Variants in CDK5RAP2 observed in about 807,000 individuals in gnomAD.
CDK5RAP2 encodes the protein CDK5 regulatory subunit-associated protein 2.
A neutral mutation model predicts 232.9 loss-of-function variants in CDK5RAP2; 147 were observed. The observed-to-expected ratio is 0.63, with a 90% CI of 0.55 to 0.72. The LOEUF is 0.72. CDK5RAP2 is among the 30% of genes least tolerant of loss of function. The probability of loss-of-function intolerance (pLI) is 0.00; values close to 1 mark genes in which losing one functional copy is unlikely to be tolerated. For missense variants in CDK5RAP2, 2,195 were observed against 2,231.5 expected (o/e 0.98, Z 0.33); for synonymous variants, 833 against 833.7 (o/e 1.00, Z 0.01).
intron 18 of CDK5RAP2, among the ~76,000 whole-genome samples, chr9:120,463,348 G>A (rs1337435562): frequency 2.0e-5 from 3 of 152,182 alleles, no homozygotes; most frequent in Admixed American, 2.0e-4. Context: ...TCCAGCCTGG[G>A]TGACAGAGGG....
intron 25 of CDK5RAP2, among the ~76,000 whole-genome samples, chr9:120,424,301 T>C (rs2034747284): frequency 6.6e-6 from 1 of 152,216 alleles, no homozygotes; most frequent in Non-Finnish European, 1.5e-5. Flanking sequence ...TGGCCAAAAA[T>C]GGCATGGTAT....
chr9:120,472,492 T>A (rs1017161262), intron 15 of CDK5RAP2, among the ~76,000 whole-genome samples: 6 of 151,814 alleles, frequency 4.0e-5, no homozygotes, highest in African/African-American at 1.5e-4. Flanking sequence ...GTGTTACTCC[T>A]CAAAAAAGTC....
chr9:120,560,734 AG>A (rs1365477528), intron 3 of CDK5RAP2, among the ~76,000 whole-genome samples: 1 of 152,002 alleles, frequency 6.6e-6, no homozygotes, highest in Non-Finnish European at 1.5e-5. Context: ...CTCCTGCCTT[AG>A]CCTCCCAAGT....
chr9:120,543,926 C>T (rs2041739413), intron 5 of CDK5RAP2, among the ~76,000 whole-genome samples: 1 of 152,162 alleles, frequency 6.6e-6, no homozygotes, highest in Admixed American at 6.5e-5. Flanking sequence ...TTCCTCATAG[C>T]TCTTTCCCCA....
chr9:120,388,986 G>A lies in CDK5RAP2; in HGVS notation c.*250C>T. ...ACCAAGGCGCACAGCCTCAACTCCG[G>A]TGCCTGCCCCTGATCTGAAATACAA... On this transcript the variant is annotated 3_prime_UTR_variant, in exon 38 of 38. Transcript: ENST00000349780. 5 of 580,892 alleles carry A rather than the reference G, an allele frequency of 8.6e-6. No homozygotes were observed. The highest frequency in any genetic ancestry group is 1.5e-5 in the Non-Finnish European group (5 of 327,938). The allele number at this position is 580,892 out of a possible 1,614,324, so 36.0% of individuals were successfully genotyped here. A position where few individuals can be genotyped will look rare whatever the true frequency, so the allele number is the denominator to read the frequency against.
At chr9:120,482,911 C>G (rs1171810618) in intron 14 of CDK5RAP2, among the ~76,000 whole-genome samples, 3 of 152,222 alleles carry the variant, frequency 2.0e-5, no homozygotes, top group African/African-American at 7.2e-5. Context: ...TCATCAATCA[C>G]CTATTCCCCT....
At position 120,576,162 on chromosome 9, in the gene CDK5RAP2, A is replaced by C. The variant is rs565578614; in HGVS notation, c.59+3758T>G. 5.3e-5 allele frequency among the ~76,000 whole-genome samples: 8 copies of C among 152,334 alleles called. No individual in the cohort carries two copies. The East Asian group carries it at 9.6e-4, about 18-fold the overall frequency. On this transcript the variant is annotated intron_variant, in intron 1 of 37. Transcript: ENST00000349780. The stretch of plus-strand genomic sequence containing the variant: ...CCCAATCCCCTACTGATGATAATTC[A>C]ATTTGTTTCCAAGTTTTTCTTTTAC...
chr9:120,446,820 C>T (rs1365078635), intron 22 of CDK5RAP2, among the ~76,000 whole-genome samples: 22 of 152,186 alleles, frequency 1.4e-4, no homozygotes, highest in Admixed American at 1.4e-3. Flanking sequence ...CCCCTGTCTC[C>T]CTTCAAATGC....
intron 25 of CDK5RAP2, among the ~76,000 whole-genome samples, chr9:120,430,220 A>G (rs1244107514): frequency 6.6e-6 from 1 of 152,198 alleles, no homozygotes; most frequent in Non-Finnish European, 1.5e-5. Context: ...TCATGTCTAA[A>G]ACACCAAAAG....
At chr9:120,451,220 T>A (rs930029023) in intron 21 of CDK5RAP2, among the ~76,000 whole-genome samples, 1 of 152,138 alleles carries the variant, frequency 6.6e-6, no homozygotes, top group Non-Finnish European at 1.5e-5. Flanking sequence ...ACCTACCACA[T>A]TATTGAAGAT....
At chr9:120,441,582 G>C (rs2035901106) in intron 23 of CDK5RAP2, among the ~76,000 whole-genome samples, 1 of 152,210 alleles carries the variant, frequency 6.6e-6, no homozygotes, top group Admixed American at 6.5e-5. Flanking sequence ...CAACAACGTG[G>C]GTTGGACTGG....
intron 7 of CDK5RAP2, among the ~76,000 whole-genome samples, chr9:120,535,918 C>G (rs562141433): frequency 6.6e-6 from 1 of 152,294 alleles, no homozygotes; most frequent in South Asian, 2.1e-4. Context: ...ACTGTTATTT[C>G]TTGTGGGGGC....
chr9:120,415,058 C>T lies in CDK5RAP2; in HGVS notation c.4279G>A (p.Gly1427Arg), dbSNP rs778219484. 4.3e-6 allele frequency: 7 copies of T among 1,614,198 alleles called. No homozygotes were observed. The highest frequency in any genetic ancestry group is 2.7e-5 in the African/African-American group (2 of 75,056). Residue 1427 changes from glycine to arginine, a missense_variant, in exon 28 of 38, where the codon GGA (glycine) becomes AGA (arginine). Coordinates refer to ENST00000349780, the MANE Select transcript of CDK5RAP2 (RefSeq NM_018249.6). ...TCCTTACCTTGAACAAATTCAGATC[C>T]TTGCCGTTCCAACTGTTTCCGTAGC... is the stretch of plus-strand genomic sequence containing the variant. ...EKLRKQLERQGSEFVQGSTSI... is the reference protein window; with the variant it reads ...EKLRKQLERQRSEFVQGSTSI...
chr9:120,555,886 G>A (rs142044727), intron 3 of CDK5RAP2, among the ~76,000 whole-genome samples: 74 of 152,270 alleles, frequency 4.9e-4, no homozygotes, highest in African/African-American at 1.7e-3. Context: ...AACACACAAC[G>A]TAAATAAAAT....
intron 12 of CDK5RAP2, among the ~76,000 whole-genome samples, chr9:120,500,786 A>C (rs2039538335): frequency 6.6e-6 from 1 of 152,244 alleles, no homozygotes; most frequent in Non-Finnish European, 1.5e-5. Context: ...GAAGAGGCTG[A>C]TTATGAGGGT....
chr9:120,437,585 C>T, intron 24 of CDK5RAP2, 58 bp from the exon 25 acceptor site: 1 of 1,248,182 alleles, frequency 8.0e-7, no homozygotes, highest in South Asian at 1.2e-5. Context: ...TTTTTGTGAC[C>T]TTAACACTAA....
chr9:120,477,392 T>C lies in CDK5RAP2; in HGVS notation c.1685A>G (p.Asp562Gly), dbSNP rs750745418. The change falls in exon 15 of 38, where the codon GAC (aspartate) becomes GGC (glycine). Residue 562 changes from aspartate to glycine, a missense_variant. Asp to Gly is a moderately conservative substitution (Grantham distance 94). Transcript: ENST00000349780. ...ELIQVLKKEQ[D>G]IYTHLVKSLQ... ...AGATTTGACCAGATGGGTATAGATG[T>C]CCTGCTCTTTCTTTAAGACCTGAAT... 3 of 1,614,074 alleles carry C rather than the reference T, an allele frequency of 1.9e-6. No individual in the cohort carries two copies. Among genetic ancestry groups the C allele is most frequent in the East Asian group, 2.2e-5 (1 of 44,892 alleles).
chr9:120,460,531 G>A, intron 19 of CDK5RAP2, 41 bp downstream of exon 19: 1 of 1,576,010 alleles, frequency 6.3e-7, no homozygotes, highest in South Asian at 1.1e-5. Flanking sequence ...TGGACATAGA[G>A]TGGAGTAGAT....
chr9:120,487,835 T>C (rs1397912329), intron 13 of CDK5RAP2, among the ~76,000 whole-genome samples: 1 of 152,252 alleles, frequency 6.6e-6, no homozygotes, highest in Non-Finnish European at 1.5e-5. Flanking sequence ...TGGGGATGAT[T>C]ACAAGACTTG....
Sources: gnomAD v4.1 joint callset for allele counts (sites outside exome capture counted in the v4.1 genomes callset) on GRCh38, gnomAD v4.1.1 for gene constraint, MANE v1.5 for transcripts, NCBI Gene and HGNC (gene_info 2026-07-23, HGNC 2026-07-21) for gene names.